The following FRS2 variants were observed in gnomAD, a reference collection of about 807,000 sequenced individuals.
FRS2 encodes the protein fibroblast growth factor receptor substrate 2.
In FRS2, 8 loss-of-function variants were observed where a neutral mutation model predicts 43.9. The observed-to-expected ratio is 0.18, with a 90% CI of 0.11 to 0.33. The LOEUF is 0.33. FRS2 is among the 10% of genes least tolerant of loss of function. The pLI, the probability that FRS2 is intolerant of heterozygous loss-of-function variation, is 1.00. For missense variants in FRS2, 534 were observed against 627.6 expected, an observed-to-expected ratio of 0.85 and a Z score of 1.59; for synonymous variants, 219 against 220.3, an observed-to-expected ratio of 0.99 and a Z score of 0.05.
intron 1 of FRS2, among the ~76,000 whole-genome samples, chr12:69,527,733 A>G (rs1000870882): frequency 4.6e-5 from 7 of 152,358 alleles, no homozygotes; most frequent in African/African-American, 1.2e-4. Flanking sequence ...AAGTTGCTCA[A>G]TAAAAGTTTT....
intron 1 of FRS2, among the ~76,000 whole-genome samples, chr12:69,472,028 C>T (rs1273407345): frequency 3.3e-5 from 5 of 152,098 alleles, no homozygotes; most frequent in South Asian, 4.1e-4. Context: ...TTTTTAAAGT[C>T]CTTGGAAAAA....
At chr12:69,511,580 T>C (rs1366327902) in intron 1 of FRS2, among the ~76,000 whole-genome samples, 1 of 152,160 alleles carries the variant, frequency 6.6e-6, no homozygotes, top group African/African-American at 2.4e-5. Flanking sequence ...TAAAATTTTG[T>C]TTTAAAAAAA....
intron 1 of FRS2, among the ~76,000 whole-genome samples, chr12:69,525,931 C>T (rs982304857): frequency 1.3e-5 from 2 of 152,188 alleles, no homozygotes; most frequent in Non-Finnish European, 2.9e-5. Context: ...TCTTGACTCA[C>T]TGCAACTTCC....
At position 69,575,200 on chromosome 12, in the gene FRS2, A is replaced by C; in HGVS notation, c.*245A>C. The C allele has an allele frequency of 2.3e-6, 1 of 441,962 alleles. No homozygotes were observed. The highest frequency in any genetic ancestry group is 3.5e-5 in the East Asian group (1 of 28,932). 27.4% of individuals were successfully genotyped at this position (441,962 alleles called of 1,614,324 possible). ...CCCGTTTTCACAGTGCCTATTTAAA[A>C]TGAGAGTTGAAGTAAATGACATGCT... On this transcript the variant is annotated 3_prime_UTR_variant, in exon 9 of 9. Transcript: ENST00000549921.
intron 1 of FRS2, among the ~76,000 whole-genome samples, chr12:69,478,987 T>C (rs909971039): frequency 6.6e-6 from 1 of 152,086 alleles, no homozygotes; most frequent in Non-Finnish European, 1.5e-5. Flanking sequence ...TCTTGAAGTT[T>C]GGAAGTTAAA....
At position 69,578,787 on chromosome 12, in the gene FRS2, A is replaced by G. The variant is rs1881359724; in HGVS notation, c.*3832A>G. The G allele has an allele frequency of 6.5e-6, 1 of 152,674 alleles. No homozygotes were observed. The highest frequency in any genetic ancestry group is 1.5e-5 in the Non-Finnish European group (1 of 68,034). 9.5% of individuals were successfully genotyped at this position (152,674 alleles called of 1,614,324 possible). On this transcript the variant is annotated 3_prime_UTR_variant, in exon 9 of 9. Coordinates refer to ENST00000549921, the MANE Select transcript of FRS2 (RefSeq NM_001278356.2). ...AAAGGCATAAATATAGCAACTTTGT[A>G]TAAAGGTAGCTTATTAGATTTTTAA...
intron 7 of FRS2, among the ~76,000 whole-genome samples, 165 bp downstream of exon 7, chr12:69,571,599 C>T (rs753302218): frequency 4.6e-5 from 7 of 152,190 alleles, no homozygotes; most frequent in South Asian, 2.1e-4. Context: ...CAGTGGCTCA[C>T]GCCTGTAATC....
chr12:69,502,566 G>C (rs1414485180), intron 1 of FRS2, among the ~76,000 whole-genome samples: 1 of 152,056 alleles, frequency 6.6e-6, no homozygotes, highest in African/African-American at 2.4e-5. Flanking sequence ...AGCTTATCCA[G>C]CAAATATTTA....
In FRS2 at chr12:69,576,275, T is replaced by C. The variant is rs1282337133; in HGVS notation, c.*1320T>C. On this transcript the variant is annotated 3_prime_UTR_variant, in exon 9 of 9. Transcript: ENST00000549921. ...TTACTTGTAGCTGGATCTTTGATTATCCTTCGATTTCCATGAAATATTAAT... is the reference window on the plus strand; with the variant it reads ...TTACTTGTAGCTGGATCTTTGATTACCCTTCGATTTCCATGAAATATTAAT... 1 of 152,238 alleles carries C rather than the reference T, an allele frequency of 6.6e-6. No individual in the cohort carries two copies. Among genetic ancestry groups the C allele is most frequent in the East Asian group, 1.9e-4 (1 of 5,206 alleles). The allele number at this position is 152,238 out of a possible 1,614,324, so 9.4% of individuals were successfully genotyped here. A position where few individuals can be genotyped will look rare whatever the true frequency, so the allele number is the denominator to read the frequency against.
chr12:69,470,662 A>C, intron 1 of FRS2, 132 bp downstream of exon 1: 1 of 143,332 alleles, frequency 7.0e-6, no homozygotes. Flanking sequence ...GGGATTGTCG[A>C]CCGCCGCGGA....
chr12:69,477,866 G>A (rs908897650), intron 1 of FRS2, among the ~76,000 whole-genome samples: 38 of 148,806 alleles, frequency 2.6e-4, no homozygotes, highest in Non-Finnish European at 3.7e-4. Flanking sequence ...TCAGCCTCCC[G>A]AATAGCTGGG....
chr12:69,479,925 T>A (rs1304682153), intron 1 of FRS2, among the ~76,000 whole-genome samples: 1 of 152,234 alleles, frequency 6.6e-6, no homozygotes, highest in Non-Finnish European at 1.5e-5. Flanking sequence ...TTGAAGTATG[T>A]TAGATCTTCT....
chr12:69,561,319 GC>G (rs1565775737), intron 3 of FRS2, among the ~76,000 whole-genome samples: 1 of 152,002 alleles, frequency 6.6e-6, no homozygotes, highest in African/African-American at 2.4e-5. Context: ...TGAAATTGTT[GC>G]ATTTGAAGTT....
chr12:69,578,939 T>C lies in FRS2; in HGVS notation c.*3984T>C, dbSNP rs1048600011. 6.6e-6 allele frequency: 1 copy of C among 152,642 alleles called. No homozygotes were observed. Among genetic ancestry groups the C allele is most frequent in the Non-Finnish European group, 1.5e-5 (1 of 68,036 alleles). 9.5% of individuals were successfully genotyped at this position (152,642 alleles called of 1,614,324 possible). ...TCCATATTTCTCTAATAAAAAGACA[T>C]AAGTGATACTGTACTATGCATACAT... On this transcript the variant is annotated 3_prime_UTR_variant, in exon 9 of 9. Transcript: ENST00000549921.
intron 3 of FRS2, among the ~76,000 whole-genome samples, chr12:69,543,506 G>A (rs1469227489): frequency 6.6e-6 from 1 of 152,082 alleles, no homozygotes. Flanking sequence ...AAGAGCTAGG[G>A]AATAAAAAAA....
At chr12:69,536,142 G>GTTT (rs1565755306) in intron 3 of FRS2, among the ~76,000 whole-genome samples, 1 of 40,574 alleles carries the variant, frequency 2.5e-5, no homozygotes, top group Non-Finnish European at 4.8e-5. Flanking sequence ...TTTTTTTTTT[G>GTTT]GAGACGAAGT....
intron 1 of FRS2, among the ~76,000 whole-genome samples, chr12:69,521,505 CT>C (rs1282430616): frequency 2.0e-5 from 3 of 152,154 alleles, no homozygotes; most frequent in Non-Finnish European, 1.5e-5. Flanking sequence ...ATGCTTCCAG[CT>C]TTTGCCCTTT....
At chr12:69,501,264 G>A (rs555927149) in intron 1 of FRS2, among the ~76,000 whole-genome samples, 3 of 151,544 alleles carry the variant, frequency 2.0e-5, no homozygotes, top group Non-Finnish European at 2.9e-5. Flanking sequence ...AAATAAATAC[G>A]TAGTGTAATT....
intron 1 of FRS2, among the ~76,000 whole-genome samples, chr12:69,519,769 A>T (rs893503142): frequency 6.6e-6 from 1 of 152,318 alleles, no homozygotes. Flanking sequence ...TTAGTATTCC[A>T]TGTTGTATAT....
Sources: allele counts gnomAD v4.1 joint callset (sites outside exome capture counted in the v4.1 genomes callset), GRCh38; gene constraint gnomAD v4.1.1; transcripts MANE v1.5; gene names NCBI Gene and HGNC (gene_info 2026-07-23, HGNC 2026-07-21).